COL21A1: variants seen among roughly 807,000 people sequenced by gnomAD.
COL21A1 encodes collagen alpha-1(XXI) chain.
A neutral mutation model predicts 137.9 loss-of-function variants in COL21A1; 149 were observed. That is an observed-to-expected ratio of 1.08 (90% confidence interval 0.95 to 1.24). The LOEUF is 1.24. Among genes scored for constraint, COL21A1 ranks in the 50% most tolerant of loss-of-function variants. The pLI is 0.00. For synonymous variants in COL21A1, 456 were observed against 391.5 expected (o/e 1.16, Z -1.95); for missense variants, 1,167 against 1,158.4 (o/e 1.01, Z -0.11).
chr6:56,094,978 A>G (rs1769189155), intron 17 of COL21A1, among the ~76,000 whole-genome samples: 1 of 152,158 alleles, frequency 6.6e-6, no homozygotes, highest in African/African-American at 2.4e-5. Flanking sequence ...AAATAAAACC[A>G]TATTTACAGG....
At chr6:56,241,372 T>A (rs1365260298) in intron 1 of COL21A1, among the ~76,000 whole-genome samples, 1 of 152,168 alleles carries the variant, frequency 6.6e-6, no homozygotes, top group African/African-American at 2.4e-5. Context: ...TCCAGAAACA[T>A]GAGAAATAAA....
chr6:56,165,907 T>TGC (rs770723364), intron 7 of COL21A1, among the ~76,000 whole-genome samples: 1 of 105,714 alleles, frequency 9.5e-6, no homozygotes. Context: ...GGGGATTGAT[T>TGC]ACACACACAC....
At chr6:56,115,540 C>G (rs1329226905) in intron 16 of COL21A1, among the ~76,000 whole-genome samples, 1 of 152,008 alleles carries the variant, frequency 6.6e-6, no homozygotes, top group Non-Finnish European at 1.5e-5. Context: ...GAAAAGCTTC[C>G]CAAGAAGGAT....
At chr6:56,061,301 C>A in intron 25 of COL21A1, 1 of 489,412 alleles carries the variant, frequency 2.0e-6, no homozygotes. Flanking sequence ...CGCATACTGC[C>A]AGAGATAAAA....
At chr6:56,300,807 C>T (rs1286913981) in intron 1 of COL21A1, among the ~76,000 whole-genome samples, 1 of 152,086 alleles carries the variant, frequency 6.6e-6, no homozygotes, top group African/African-American at 2.4e-5. Flanking sequence ...TTATTGATTG[C>T]TTGGTTGATT....
intron 1 of COL21A1, among the ~76,000 whole-genome samples, chr6:56,300,082 A>C (rs1473047098): frequency 6.6e-6 from 1 of 152,118 alleles, no homozygotes; most frequent in East Asian, 1.9e-4. Context: ...ATTCCACATA[A>C]GGTAAAGAAA....
chr6:56,335,573 T>C (rs1765315777), intron 1 of COL21A1, among the ~76,000 whole-genome samples: 1 of 152,210 alleles, frequency 6.6e-6, no homozygotes, highest in Admixed American at 6.5e-5. Flanking sequence ...CACTTCTAGT[T>C]AGCCTTCTTA....
intron 17 of COL21A1, among the ~76,000 whole-genome samples, chr6:56,098,068 T>A (rs866463473): frequency 1.1e-3 from 6 of 5,490 alleles, no homozygotes; most frequent in Admixed American, 8.8e-3. Context: ...TATAAATATA[T>A]AAATATATAT....
intron 1 of COL21A1, among the ~76,000 whole-genome samples, chr6:56,231,472 C>T (rs537057361): frequency 6.6e-6 from 1 of 151,904 alleles, no homozygotes; most frequent in African/African-American, 2.4e-5. Context: ...ACCAAGACCA[C>T]TAAGACATTG....
chr6:56,183,351 C>T (rs1167051677), intron 1 of COL21A1, among the ~76,000 whole-genome samples: 2 of 152,124 alleles, frequency 1.3e-5, no homozygotes, highest in East Asian at 1.9e-4. Context: ...GTTATTAACC[C>T]TTTGTCATAT....
intron 9 of COL21A1, among the ~76,000 whole-genome samples, chr6:56,159,406 C>T (rs1289976011): frequency 6.7e-6 from 1 of 149,346 alleles, no homozygotes; most frequent in Admixed American, 6.7e-5. Context: ...GATCCTGGCT[C>T]ACCACAACCT....
At chr6:56,173,688 CATG>C (rs1777235054) in intron 3 of COL21A1, among the ~76,000 whole-genome samples, 1 of 151,996 alleles carries the variant, frequency 6.6e-6, no homozygotes, top group Non-Finnish European at 1.5e-5. Flanking sequence ...CAGCCAACAT[CATG>C]ATAACAAAAA....
At chr6:56,089,091 G>A (rs1768542846) in intron 17 of COL21A1, among the ~76,000 whole-genome samples, 1 of 152,196 alleles carries the variant, frequency 6.6e-6, no homozygotes, top group East Asian at 1.9e-4. Context: ...ACTCGGCTGA[G>A]ATCACTTTTT....
intron 16 of COL21A1, among the ~76,000 whole-genome samples, chr6:56,111,280 A>G (rs1004846202): frequency 6.6e-6 from 1 of 152,192 alleles, no homozygotes; most frequent in Non-Finnish European, 1.5e-5. Context: ...CAGACAAGAA[A>G]TGACTCATAA....
Position 56,141,826 on chromosome 6 carries a change from G to A in COL21A1, c.1501C>T (p.Leu501=). 6.2e-7 allele frequency: 1 copy of A among 1,613,568 alleles called. No homozygotes were observed. The highest frequency in any genetic ancestry group is 8.5e-7 in the Non-Finnish European group (1 of 1,179,688). Residue 501 remains leucine, a synonymous_variant, in exon 12 of 30, where the codon CTA becomes TTA. Coordinates refer to ENST00000244728, the MANE Select transcript of COL21A1 (RefSeq NM_030820.4). ...CCTGGTTCTCCTTTGTAACCTGGTAGTCCTCGAGCTCCCTAAATTAACCAG... is the reference window on the plus strand; with the variant it reads ...CCTGGTTCTCCTTTGTAACCTGGTAATCCTCGAGCTCCCTAAATTAACCAG... ...GSPGIQGARG[L]PGYKGEPGRD... is the part of the protein sequence containing the mutation.
intron 3 of COL21A1, among the ~76,000 whole-genome samples, chr6:56,177,190 AGAAAG>A (rs1256172382): frequency 6.6e-6 from 1 of 152,138 alleles, no homozygotes; most frequent in Non-Finnish European, 1.5e-5. Flanking sequence ...CACCTATCAG[AGAAAG>A]GAGAGTATTA....
upstream of COL21A1, among the ~76,000 whole-genome samples, chr6:56,250,873 T>C (rs1782838131): frequency 6.6e-6 from 1 of 152,244 alleles, no homozygotes; most frequent in South Asian, 2.1e-4. Context: ...TAAATACTTG[T>C]ATGGCTTTAA....
At chr6:56,096,933 T>A (rs1769375953) in intron 17 of COL21A1, among the ~76,000 whole-genome samples, 1 of 152,170 alleles carries the variant, frequency 6.6e-6, no homozygotes, top group African/African-American at 2.4e-5. Context: ...TTTATGGATT[T>A]TTTTTCTATT....
chr6:56,074,177 A>G, intron 20 of COL21A1, 55 bp downstream of exon 20: 2 of 1,256,904 alleles, frequency 1.6e-6, no homozygotes, highest in South Asian at 2.8e-5. Flanking sequence ...CAAAGTTATA[A>G]ATGGCCACTG....
Sources: allele counts gnomAD v4.1 joint callset (sites outside exome capture counted in the v4.1 genomes callset), GRCh38; gene constraint gnomAD v4.1.1; transcripts MANE v1.5; gene names NCBI Gene and HGNC (gene_info 2026-07-23, HGNC 2026-07-21).